Variants in STK3 observed in about 807,000 individuals in gnomAD.
STK3 encodes serine/threonine-protein kinase 3.
Under a neutral mutation model 58.0 loss-of-function variants are expected in STK3, and 41 were observed. The observed-to-expected ratio is 0.71, with a 90% confidence interval of 0.55 to 0.92. STK3 has a LOEUF of 0.92. Ranked by LOEUF, STK3 falls within the 40% of genes least tolerant of loss-of-function variation. The probability of loss-of-function intolerance (pLI) is 0.00; values close to 1 mark genes in which losing one functional copy is unlikely to be tolerated. For synonymous variants in STK3, 170 were observed against 191.0 expected, an observed-to-expected ratio of 0.89 and a Z score of 0.91; for missense variants, 479 against 602.7, an observed-to-expected ratio of 0.79 and a Z score of 2.15.
chr8:98,475,666 C>T (rs886501667), intron 10 of STK3, among the ~76,000 whole-genome samples: 3 of 152,118 alleles, frequency 2.0e-5, no homozygotes, highest in Admixed American at 6.5e-5. Context: ...TTTTTTAAAG[C>T]ATCATCTGAT....
intron 4 of STK3, among the ~76,000 whole-genome samples, chr8:98,741,383 A>G (rs1424784225): frequency 6.6e-6 from 1 of 152,238 alleles, no homozygotes; most frequent in African/African-American, 2.4e-5. Context: ...ATCAGAAATT[A>G]TAACAAACTG....
intron 1 of STK3, among the ~76,000 whole-genome samples, chr8:98,775,595 C>G (rs1226689102): frequency 6.6e-6 from 1 of 152,088 alleles, no homozygotes; most frequent in African/African-American, 2.4e-5. Flanking sequence ...AAAGAGGAAG[C>G]ATTTATGCTT....
At chr8:98,693,207 G>A (rs1203598448) in intron 6 of STK3, among the ~76,000 whole-genome samples, 1 of 152,050 alleles carries the variant, frequency 6.6e-6, no homozygotes, top group African/African-American at 2.4e-5. Flanking sequence ...GACCAGACTG[G>A]GCAACATGGT....
chr8:98,387,399 T>C (rs1817801064), intron 1 of STK3, among the ~76,000 whole-genome samples: 2 of 152,228 alleles, frequency 1.3e-5, no homozygotes, highest in African/African-American at 4.8e-5. Flanking sequence ...AACCTAAGCA[T>C]GAGTCCATGA....
chr8:98,461,832 G>A (rs1264873331), intron 10 of STK3, among the ~76,000 whole-genome samples: 1 of 152,202 alleles, frequency 6.6e-6, no homozygotes, highest in Non-Finnish European at 1.5e-5. Context: ...GGCTTGTAAG[G>A]TTTGTGCTGA....
At chr8:98,513,854 G>C (rs1824718192) in intron 10 of STK3, among the ~76,000 whole-genome samples, 1 of 152,144 alleles carries the variant, frequency 6.6e-6, no homozygotes, top group African/African-American at 2.4e-5. Flanking sequence ...TAGAGAGAGG[G>C]GAGGAGTTTG....
chr8:98,836,752 T>A (rs189157484), intron 3 of STK3, among the ~76,000 whole-genome samples: 366 of 152,310 alleles, frequency 2.4e-3, no homozygotes, highest in Admixed American at 3.7e-3. Context: ...TAAGATCAGA[T>A]TGATTTCACT....
rs535002197 is a variant in STK3, at chr8:98,904,783, T to C, written c.-78-20949A>G. 3.5e-4 allele frequency: 239 copies of C among 679,048 alleles called. No homozygotes were observed. The African/African-American group carries it at 3.7e-3, about 11-fold the overall frequency. 42.1% of individuals were successfully genotyped at this position (679,048 alleles called of 1,614,324 possible). ...GCGGTTCCACAATAGGAGGAAGTGG[T>C]GGCCGGAGCGGCAGCCATAGTAGCT... On this transcript the variant is annotated intron_variant, in intron 1 of 1. Transcript: ENST00000519420.
chr8:98,879,534 T>C (rs1464566667), downstream of STK3: 1 of 152,204 alleles, frequency 6.6e-6, no homozygotes, highest in African/African-American at 2.4e-5. Flanking sequence ...CATATACTTT[T>C]ATCAAAACTG....
At chr8:98,772,649 T>C (rs1160461251) in intron 2 of STK3, among the ~76,000 whole-genome samples, 1 of 152,086 alleles carries the variant, frequency 6.6e-6, no homozygotes, top group Non-Finnish European at 1.5e-5. Flanking sequence ...TGAGCCACGA[T>C]CACGCCATTG....
intron 1 of STK3, among the ~76,000 whole-genome samples, chr8:98,386,494 G>A (rs1358683549): frequency 1.3e-5 from 2 of 152,246 alleles, no homozygotes; most frequent in East Asian, 1.9e-4. Context: ...ACTGTTTATA[G>A]GGAAGTATTT....
At chr8:98,375,996 A>G (rs951142433) in intron 2 of STK3, among the ~76,000 whole-genome samples, 9 of 152,214 alleles carry the variant, frequency 5.9e-5, no homozygotes, top group African/African-American at 2.2e-4. Context: ...AAACTGTGAA[A>G]CAACTTTTCA....
intron 3 of STK3, among the ~76,000 whole-genome samples, chr8:98,406,421 A>G (rs1448432964): frequency 6.6e-6 from 1 of 152,036 alleles, no homozygotes; most frequent in African/African-American, 2.4e-5. Context: ...ATAGTACCCA[A>G]TCATTTTTCA....
At chr8:98,841,654 T>C in intron 3 of STK3, among the ~76,000 whole-genome samples, 1 of 129,806 alleles carries the variant, frequency 7.7e-6, no homozygotes, top group African/African-American at 3.0e-5. Flanking sequence ...TGCACCCCAG[T>C]CTGGGCAAAA....
intron 8 of STK3, among the ~76,000 whole-genome samples, chr8:98,577,949 TA>T (rs958135042): frequency 2.0e-5 from 3 of 149,454 alleles, no homozygotes; most frequent in East Asian, 3.9e-4. Flanking sequence ...TTAAGCATGT[TA>T]AAAAAAAAAT....
chr8:98,419,253 T>C (rs754010800), intron 3 of STK3, among the ~76,000 whole-genome samples: 11 of 151,992 alleles, frequency 7.2e-5, no homozygotes, highest in Admixed American at 1.3e-4. Flanking sequence ...CCCACCTACT[T>C]GGGAAGCTGA....
At chr8:98,913,985 A>T (rs1185429078) in intron 1 of STK3, among the ~76,000 whole-genome samples, 1 of 152,146 alleles carries the variant, frequency 6.6e-6, no homozygotes, top group Non-Finnish European at 1.5e-5. Flanking sequence ...CTATCCAAAC[A>T]TTCTCATGGT....
intron 6 of STK3, among the ~76,000 whole-genome samples, chr8:98,607,342 A>C (rs1022842317): frequency 2.0e-5 from 3 of 152,120 alleles, no homozygotes; most frequent in African/African-American, 7.2e-5. Flanking sequence ...TTTTTCTCTC[A>C]ATTGACATTT....
At chr8:98,417,183 G>A (rs73273934) in intron 3 of STK3, among the ~76,000 whole-genome samples, 1,796 of 152,338 alleles carry the variant, frequency 0.012, 39 homozygotes, top group African/African-American at 0.041. Flanking sequence ...GGGTGGGGGA[G>A]TGGAAGGCTG....
Sources: gnomAD v4.1 joint callset for allele counts (sites outside exome capture counted in the v4.1 genomes callset) on GRCh38, gnomAD v4.1.1 for gene constraint, MANE v1.5 for transcripts, NCBI Gene and HGNC (gene_info 2026-07-23, HGNC 2026-07-21) for gene names.